Variants in SHISA9 observed in about 807,000 individuals in gnomAD.
SHISA9 encodes the protein shisa family member 9.
A neutral mutation model predicts 38.0 loss-of-function variants in SHISA9; 13 were observed. The ratio of observed to expected loss-of-function variants is 0.34; its 90% CI spans 0.22 to 0.54. The LOEUF is 0.54. SHISA9 is among the 20% of genes least tolerant of loss of function. The pLI is 0.91. For missense variants in SHISA9, 538 were observed against 575.8 expected, an observed-to-expected ratio of 0.93 and a Z score of 0.67; for synonymous variants, 275 against 242.0, an observed-to-expected ratio of 1.14 and a Z score of -1.27.
the SHISA9 span, among the ~76,000 whole-genome samples, chr16:13,286,418 G>T: frequency 2.0e-5 from 3 of 152,146 alleles, no homozygotes; most frequent in East Asian, 5.8e-4. Flanking sequence ...CAGTACCATT[G>T]CTGCCAAAGA....
intron 2 of SHISA9, among the ~76,000 whole-genome samples, chr16:13,104,397 A>G (rs2073907089): frequency 6.6e-6 from 1 of 152,228 alleles, no homozygotes; most frequent in Non-Finnish European, 1.5e-5. Flanking sequence ...AGACATATCC[A>G]TGAATATTCA....
chr16:13,195,441 C>A (rs112510378), intron 2 of SHISA9, among the ~76,000 whole-genome samples: 44 of 152,252 alleles, frequency 2.9e-4, no homozygotes, highest in African/African-American at 1.0e-3. Flanking sequence ...TGAATCAATA[C>A]ATAAATGAGG....
intron 2 of SHISA9, among the ~76,000 whole-genome samples, chr16:13,113,307 G>A (rs1336708387): frequency 6.6e-6 from 1 of 152,016 alleles, no homozygotes; most frequent in Non-Finnish European, 1.5e-5. Context: ...CAGTGATGAT[G>A]GTGGTAATGG....
At chr16:12,914,601 A>G (rs2071229944) in intron 1 of SHISA9, among the ~76,000 whole-genome samples, 1 of 152,030 alleles carries the variant, frequency 6.6e-6, no homozygotes, top group Non-Finnish European at 1.5e-5. Flanking sequence ...GGCTTCTCAC[A>G]ACGCAGCTGT....
chr16:13,301,422 C>G, the SHISA9 span, among the ~76,000 whole-genome samples: 1 of 152,156 alleles, frequency 6.6e-6, no homozygotes, highest in Non-Finnish European at 1.5e-5. Flanking sequence ...CTGTTGCTGG[C>G]CTCAACACTG....
At chr16:13,284,099 A>G in the SHISA9 span, among the ~76,000 whole-genome samples, 4 of 152,218 alleles carry the variant, frequency 2.6e-5, no homozygotes, top group East Asian at 1.9e-4. Context: ...GCTTCATTGC[A>G]TATATTTCAA....
the SHISA9 span, among the ~76,000 whole-genome samples, chr16:13,343,646 T>G: frequency 6.6e-6 from 1 of 152,174 alleles, no homozygotes; most frequent in South Asian, 2.1e-4. Flanking sequence ...TCCTAGTTGA[T>G]TCACATATTT....
intron 2 of SHISA9, among the ~76,000 whole-genome samples, chr16:12,954,901 A>G (rs1486440739): frequency 6.6e-6 from 1 of 152,198 alleles, no homozygotes; most frequent in Non-Finnish European, 1.5e-5. Context: ...CAGAGGGCAC[A>G]GCATGCATAA....
At chr16:13,480,518 C>T in the SHISA9 span, among the ~76,000 whole-genome samples, 24 of 152,196 alleles carry the variant, frequency 1.6e-4, no homozygotes, top group African/African-American at 5.5e-4. Flanking sequence ...GTTCCTGGCA[C>T]ATCTATCTCA....
intron 2 of SHISA9, among the ~76,000 whole-genome samples, chr16:12,943,908 C>T (rs1036069961): frequency 6.6e-6 from 1 of 152,164 alleles, no homozygotes; most frequent in Admixed American, 6.5e-5. Flanking sequence ...TGCCTTTCCC[C>T]TCCATTTTTA....
the SHISA9 span, among the ~76,000 whole-genome samples, chr16:13,273,770 G>A: frequency 6.6e-6 from 1 of 152,146 alleles, no homozygotes; most frequent in South Asian, 2.1e-4. Flanking sequence ...CACAGGAGCA[G>A]ACATAGGGCA....
the SHISA9 span, among the ~76,000 whole-genome samples, chr16:13,423,289 C>G: frequency 3.2e-3 from 492 of 152,322 alleles, 6 homozygotes; most frequent in Non-Finnish European, 1.7e-3. Context: ...CTCTGGCCAT[C>G]TGACATCTGC....
the SHISA9 span, among the ~76,000 whole-genome samples, chr16:13,326,747 A>G: frequency 9.2e-5 from 14 of 152,292 alleles, no homozygotes; most frequent in East Asian, 2.5e-3. Context: ...AAAAAGTCAA[A>G]GTTCCAGGAA....
chr16:12,987,503 C>T (rs1433142195), intron 2 of SHISA9, among the ~76,000 whole-genome samples: 6 of 152,144 alleles, frequency 3.9e-5, no homozygotes, highest in Non-Finnish European at 2.9e-5. Flanking sequence ...AACAGAAAAC[C>T]GAATACCACA....
intron 2 of SHISA9, among the ~76,000 whole-genome samples, chr16:13,170,949 G>A (rs531768815): frequency 6.3e-4 from 96 of 152,086 alleles, no homozygotes; most frequent in Non-Finnish European, 1.3e-3. Flanking sequence ...CAACCACCGC[G>A]CTGGGCCTAA....
chr16:12,954,983 T>A (rs770714482), intron 2 of SHISA9, among the ~76,000 whole-genome samples: 14 of 152,278 alleles, frequency 9.2e-5, no homozygotes, highest in Middle Eastern at 3.4e-3. Context: ...TTTGTGTTAT[T>A]CCCTCACAAT....
intron 2 of SHISA9, among the ~76,000 whole-genome samples, chr16:12,969,029 C>T (rs2072018757): frequency 6.6e-6 from 1 of 151,864 alleles, no homozygotes; most frequent in Non-Finnish European, 1.5e-5. Flanking sequence ...TGGTGGTGCG[C>T]ACCTGTAGTC....
At chr16:13,444,775 TTTCTTCCCTCCC>T in the SHISA9 span, among the ~76,000 whole-genome samples, 36 of 150,268 alleles carry the variant, frequency 2.4e-4, no homozygotes, top group Admixed American at 1.2e-3. Context: ...AAGATTTCTC[TTTCTTCCCTCCC>T]TCTTCCCTCC....
the SHISA9 span, among the ~76,000 whole-genome samples, chr16:13,371,028 G>T: frequency 6.6e-6 from 1 of 152,162 alleles, no homozygotes; most frequent in South Asian, 2.1e-4. Flanking sequence ...GTATGTTCCT[G>T]TATTTTCTTT....
Sources: gnomAD v4.1 joint callset for allele counts (sites outside exome capture counted in the v4.1 genomes callset) on GRCh38, gnomAD v4.1.1 for gene constraint, MANE v1.5 for transcripts, NCBI Gene and HGNC (gene_info 2026-07-23, HGNC 2026-07-21) for gene names.